CACFD1: variants seen among roughly 807,000 people sequenced by gnomAD.
The protein encoded by CACFD1 is calcium channel flower domain containing 1.
In CACFD1, 26 loss-of-function variants were observed where a neutral mutation model predicts 21.3. The observed-to-expected ratio is 1.22, with a 90% CI of 0.89 to 1.69. CACFD1 has a LOEUF of 1.69. Among genes scored for constraint, CACFD1 ranks in the 40% most tolerant of loss-of-function variants. CACFD1 has a pLI of 0.00. For missense variants in CACFD1, 265 were observed against 236.2 expected (o/e 1.12, Z -0.80); for synonymous variants, 121 against 106.6 (o/e 1.13, Z -0.83).
rs370651118 is a variant in CACFD1 at position 133,460,201 on chromosome 9, C to T, written c.121+14C>T. ...TGGGGGCAGTCTGTGAGTATCCAGTCGGGGAGAGGGGCCGGCCCCGCCGCG... is the reference window on the plus strand; with the variant it reads ...TGGGGGCAGTCTGTGAGTATCCAGTTGGGGAGAGGGGCCGGCCCCGCCGCG... On this transcript the variant is annotated intron_variant, in intron 1 of 4. Transcript: ENST00000316948. The T allele has an allele frequency of 6.3e-5, 96 of 1,521,220 alleles. No homozygotes were observed. In the African/African-American group the frequency reaches 1.2e-3, roughly 20 times the overall value. 94.2% of individuals were successfully genotyped at this position (1,521,220 alleles called of 1,614,324 possible). A position where few individuals can be genotyped will look rare whatever the true frequency, so the allele number is the denominator to read the frequency against.
In CACFD1 at chr9:133,468,611, G is replaced by A. The variant is rs781807306; in HGVS notation, c.477G>A (p.Ala159=). The A allele has an allele frequency of 3.0e-5, 47 of 1,591,980 alleles. No individual in the cohort carries two copies. Among genetic ancestry groups the A allele is most frequent in the Middle Eastern group, 1.8e-4 (1 of 5,680 alleles). ...YARIQQQRQQ[A]DEEKLAETLE... ...GGATCCAGCAGCAGAGGCAGCAGGCGGATGAGGAGAAGCTCGCGGAGACCC... is the reference window on the plus strand; with the variant it reads ...GGATCCAGCAGCAGAGGCAGCAGGCAGATGAGGAGAAGCTCGCGGAGACCC... Residue 159 remains alanine (A), a synonymous_variant, in exon 5 of 5, where the codon GCG becomes GCA. Transcript: ENST00000316948.
chr9:133,461,040 C>T (rs917679331), intron 1 of CACFD1, among the ~76,000 whole-genome samples: 1 of 152,162 alleles, frequency 6.6e-6, no homozygotes, highest in Non-Finnish European at 1.5e-5. Flanking sequence ...CTGAGTGATA[C>T]CCTTTCCTTT....
chr9:133,460,903 C>T (rs1229611767), intron 1 of CACFD1, among the ~76,000 whole-genome samples: 2 of 152,244 alleles, frequency 1.3e-5, no homozygotes, highest in Non-Finnish European at 2.9e-5. Flanking sequence ...GTCACAGACC[C>T]TGACCTTAGG....
chr9:133,466,774 C>G (rs1843454538), intron 3 of CACFD1, among the ~76,000 whole-genome samples: 3 of 151,994 alleles, frequency 2.0e-5, no homozygotes, highest in African/African-American at 7.3e-5. Flanking sequence ...TTCACATTCG[C>G]ATTTATCTAT....
At chr9:133,461,320 G>GC (rs1175255984) in intron 1 of CACFD1, among the ~76,000 whole-genome samples, 2 of 152,220 alleles carry the variant, frequency 1.3e-5, no homozygotes, top group Non-Finnish European at 2.9e-5. Flanking sequence ...CGCTAGGCAT[G>GC]CCCTTATCCA....
At chr9:133,466,562 A>G (rs1817583027) in intron 3 of CACFD1, among the ~76,000 whole-genome samples, 1 of 144,694 alleles carries the variant, frequency 6.9e-6, no homozygotes, top group South Asian at 2.3e-4. Flanking sequence ...ACTGGTGTAA[A>G]TCGAGGTGTG....
rs1554800247 is a variant in CACFD1 at position 133,468,722 on chromosome 9, G to A, written c.*69G>A. 2 of 1,487,658 alleles carry A rather than the reference G, an allele frequency of 1.3e-6. No homozygotes were observed. Among genetic ancestry groups the A allele is most frequent in the African/African-American group, 1.4e-5 (1 of 71,760 alleles). 92.2% of individuals were successfully genotyped at this position (1,487,658 alleles called of 1,614,324 possible). A position where few individuals can be genotyped will look rare whatever the true frequency, so the allele number is the denominator to read the frequency against. On this transcript the variant is annotated 3_prime_UTR_variant, in exon 5 of 5. Coordinates refer to ENST00000316948, the MANE Select transcript of CACFD1 (RefSeq NM_017586.5). ...TGTGGGTCCAAGTGAGGCCTGGACTGTCCACGCTGAGGCACAGCCTGGAGA... is the reference window on the plus strand; with the variant it reads ...TGTGGGTCCAAGTGAGGCCTGGACTATCCACGCTGAGGCACAGCCTGGAGA...
At chr9:133,468,318 G>A in intron 4 of CACFD1, 1 of 1,533,172 alleles carries the variant, frequency 6.5e-7, no homozygotes, top group Non-Finnish European at 8.7e-7. Flanking sequence ...ATTGTACTCA[G>A]TTGCCACCCT....
rs998115182 is a variant in CACFD1 at position 133,469,912 on chromosome 9, C to T, written c.*1259C>T. The stretch of plus-strand genomic sequence containing the variant: ...AGTGAACTGTTTCCCAGGAACACCT[C>T]TCGGGCCCATCTGCGTCTGAGGCTG... On this transcript the variant is annotated 3_prime_UTR_variant, in exon 5 of 5. Transcript: ENST00000316948. The T allele has an allele frequency of 6.6e-6, 1 of 152,202 alleles. No individual in the cohort carries two copies. The highest frequency in any genetic ancestry group is 2.4e-5 in the African/African-American group (1 of 41,294). The allele number at this position is 152,202 out of a possible 1,614,324, so 9.4% of individuals were successfully genotyped here.
At chr9:133,464,976 C>T in intron 2 of CACFD1, 1 of 221,424 alleles carries the variant, frequency 4.5e-6, no homozygotes, top group Non-Finnish European at 9.0e-6. Flanking sequence ...GTGGATGAAC[C>T]TGCCGCAGCG....
At position 133,465,266 on chromosome 9, in the gene CACFD1, C is replaced by A; in HGVS notation, c.195-56C>A. On this transcript the variant is annotated intron_variant, in intron 2 of 4. Coordinates refer to ENST00000316948, the MANE Select transcript of CACFD1 (RefSeq NM_017586.5). This position sits in a 1 kb window ranked among gnomAD's most constrained non-coding sequence, Gnocchi z 5.0. ...CTTATGGCACTGGCACTGGGGGCCG[C>A]CCTCATCCTCCTGGGATTGTCAGTC... The A allele has an allele frequency of 6.2e-7, 1 of 1,606,474 alleles. No individual in the cohort carries two copies. The highest frequency in any genetic ancestry group is 8.5e-7 in the Non-Finnish European group (1 of 1,176,164).
At chr9:133,462,032 A>G in intron 1 of CACFD1, 3 of 1,275,150 alleles carry the variant, frequency 2.4e-6, no homozygotes, top group Non-Finnish European at 3.1e-6. Context: ...CGTGGAAGAT[A>G]TCAGCATTGA....
chr9:133,460,238 C>A, intron 1 of CACFD1, 51 bp downstream of exon 1: 1 of 1,457,380 alleles, frequency 6.9e-7, no homozygotes. Context: ...ATGCGCTCCT[C>A]GCCCTGCCCT....
In CACFD1 at chr9:133,467,936, C is replaced by G; in HGVS notation, c.336C>G (p.Pro112=). The change falls in exon 4 of 5, where the codon CCC becomes CCG. Residue 112 remains proline, a synonymous_variant. Coordinates refer to ENST00000316948, the MANE Select transcript of CACFD1 (RefSeq NM_017586.5). ...TTCCCCCCAGGATGGCGGTCGTTCCCATCGTCATCAGCCTGACCCTGACCA... is the reference window on the plus strand; with the variant it reads ...TTCCCCCCAGGATGGCGGTCGTTCCGATCGTCATCAGCCTGACCCTGACCA... The part of the protein sequence containing the change: ...AVFYCGMAVV[P]IVISLTLTTL... The G allele has an allele frequency of 6.2e-7, 1 of 1,613,028 alleles. No individual in the cohort carries two copies. Among genetic ancestry groups the G allele is most frequent in the Non-Finnish European group, 8.5e-7 (1 of 1,179,826 alleles).
At chr9:133,462,740 C>T (rs1843270096) in intron 1 of CACFD1, among the ~76,000 whole-genome samples, 4 of 152,128 alleles carry the variant, frequency 2.6e-5, no homozygotes, top group South Asian at 2.1e-4. Flanking sequence ...AGCTGGGAGG[C>T]GGGGCGTCAA....
rs1203553663 is a variant in CACFD1, at chr9:133,470,229, GTATA to G, written c.*1578_*1581del. Reference sequence around the variant, plus strand: ...TGTGTGTGTGTGTGTGTGTGTGTATGTATATGTGTGTGGGTGCACACATCTGTCC... The same window carrying G: ...TGTGTGTGTGTGTGTGTGTGTGTATGTGTGTGTGGGTGCACACATCTGTCC... On this transcript the variant is annotated 3_prime_UTR_variant, in exon 5 of 5. Coordinates refer to ENST00000316948, the MANE Select transcript of CACFD1 (RefSeq NM_017586.5). The G allele has an allele frequency of 6.6e-6, 1 of 151,374 alleles. No homozygotes were observed. The highest frequency in any genetic ancestry group is 2.4e-5 in the African/African-American group (1 of 40,820). The allele number at this position is 151,374 out of a possible 1,614,324, so 9.4% of individuals were successfully genotyped here.
rs1379814434 is a variant in CACFD1 at position 133,465,651 on chromosome 9, G to A, written c.320+204G>A. On this transcript the variant is annotated intron_variant, in intron 3 of 4. Coordinates refer to ENST00000316948, the MANE Select transcript of CACFD1 (RefSeq NM_017586.5). The surrounding 1 kb of genome is among the most constrained non-coding windows in gnomAD (Gnocchi z 5.0). ...TTCTGCGCCCAGGAACTCAGCTGTC[G>A]CTGTGCCGTAGTCACTGGAAGGTTC... is the stretch of plus-strand genomic sequence containing the variant. 1.0e-5 allele frequency: 6 copies of A among 586,512 alleles called. No individual in the cohort carries two copies. The highest frequency in any genetic ancestry group is 6.2e-5 in the Admixed American group (2 of 32,052). 36.3% of individuals were successfully genotyped at this position (586,512 alleles called of 1,614,324 possible).
Position 133,463,485 on chromosome 9 carries a change from T to C in CACFD1, c.124T>C (p.Cys42Arg). 6.2e-7 allele frequency: 1 copy of C among 1,614,088 alleles called. No homozygotes were observed. Among genetic ancestry groups the C allele is most frequent in the Non-Finnish European group, 8.5e-7 (1 of 1,180,016 alleles). The change falls in exon 2 of 5, where the codon TGC becomes CGC. Residue 42 changes from cysteine to arginine, a missense_variant and splice_region_variant. Cys to Arg is a radical substitution (Grantham distance 180). Transcript: ENST00000316948. ...CTGCCCGTGTCTCTTGTTTCAAGCT[T>C]GCGCGATCTCTGGCCTCTTCAACTG... ...RLSGVLGAVSCAISGLFNCIT... is the reference protein window; with the variant it reads ...RLSGVLGAVSRAISGLFNCIT...
intron 1 of CACFD1, chr9:133,462,288 G>GC: frequency 7.7e-7 from 1 of 1,303,742 alleles, no homozygotes; most frequent in Non-Finnish European, 1.0e-6. Context: ...GGACAGGCAG[G>GC]CCCCTGTGTA....
Sources: allele counts gnomAD v4.1 joint callset (sites outside exome capture counted in the v4.1 genomes callset), GRCh38; gene constraint gnomAD v4.1.1; non-coding constraint Gnocchi (gnomAD v3.1); transcripts MANE v1.5; gene names NCBI Gene and HGNC (gene_info 2026-07-23, HGNC 2026-07-21).